The following SPOCK1 variants were observed in gnomAD, a reference collection of about 807,000 sequenced individuals.
The protein encoded by SPOCK1 is SPARC (osteonectin), cwcv and kazal like domains proteoglycan 1.
A neutral mutation model predicts 55.3 loss-of-function variants in SPOCK1; 23 were observed. That is an observed-to-expected ratio of 0.42 (90% CI 0.30 to 0.59). SPOCK1 has a LOEUF of 0.59. SPOCK1 is among the 20% of genes least tolerant of loss of function. SPOCK1 has a pLI of 0.22. For synonymous variants in SPOCK1, 226 were observed against 221.0 expected (o/e 1.02, Z -0.20); for missense variants, 499 against 552.5 (o/e 0.90, Z 0.97).
chr5:137,281,830 C>T (rs1561492385), intron 2 of SPOCK1, among the ~76,000 whole-genome samples: 1 of 152,218 alleles, frequency 6.6e-6, no homozygotes, highest in Non-Finnish European at 1.5e-5. Context: ...ATCACAGCCT[C>T]GGATGTCCGT....
At chr5:137,160,725 A>T (rs1380061894) in intron 3 of SPOCK1, among the ~76,000 whole-genome samples, 1 of 131,628 alleles carries the variant, frequency 7.6e-6, no homozygotes, top group Admixed American at 9.6e-5. Flanking sequence ...AAAACAGTAG[A>T]TGTTGGTGTG....
intron 2 of SPOCK1, among the ~76,000 whole-genome samples, chr5:137,281,579 T>A (rs960695108): frequency 6.6e-6 from 1 of 152,246 alleles, no homozygotes; most frequent in African/African-American, 2.4e-5. Flanking sequence ...ACATAGCCCA[T>A]GGCCCATGCC....
intron 3 of SPOCK1, among the ~76,000 whole-genome samples, chr5:137,246,088 C>T (rs1385587437): frequency 2.0e-5 from 3 of 152,142 alleles, no homozygotes; most frequent in African/African-American, 7.2e-5. Context: ...GATGTCAATC[C>T]CCCTACAAGC....
intron 6 of SPOCK1, among the ~76,000 whole-genome samples, chr5:137,014,870 T>G (rs192069213): frequency 2.6e-5 from 4 of 152,322 alleles, no homozygotes; most frequent in Admixed American, 2.6e-4. Flanking sequence ...CCCATTTATC[T>G]GACAGTTATT....
chr5:137,257,615 C>T (rs961911620), intron 3 of SPOCK1, among the ~76,000 whole-genome samples: 5 of 152,184 alleles, frequency 3.3e-5, no homozygotes, highest in Non-Finnish European at 7.3e-5. Context: ...ACAGAAGCCC[C>T]AAAGGACTAA....
intron 3 of SPOCK1, among the ~76,000 whole-genome samples, chr5:137,199,393 T>C (rs1465194445): frequency 6.6e-6 from 1 of 152,136 alleles, no homozygotes; most frequent in Non-Finnish European, 1.5e-5. Flanking sequence ...TTCTCTTAAG[T>C]TCGGGCTGGT....
intron 2 of SPOCK1, among the ~76,000 whole-genome samples, chr5:137,469,993 A>C (rs570694631): frequency 6.6e-6 from 1 of 152,224 alleles, no homozygotes; most frequent in Non-Finnish European, 1.5e-5. Context: ...AGGACCTAGA[A>C]CACTCTTCAC....
intron 2 of SPOCK1, among the ~76,000 whole-genome samples, chr5:137,308,162 C>A (rs986169471): frequency 6.6e-6 from 1 of 152,202 alleles, no homozygotes; most frequent in African/African-American, 2.4e-5. Flanking sequence ...AACTGGACTT[C>A]AGCCAGTGCA....
chr5:137,466,531 T>C (rs1025716479), intron 2 of SPOCK1, among the ~76,000 whole-genome samples: 2 of 152,198 alleles, frequency 1.3e-5, no homozygotes, highest in African/African-American at 4.8e-5. Context: ...TACCTTCAGA[T>C]TGATGGGTAA....
At chr5:137,298,148 C>A (rs537932409) in intron 2 of SPOCK1, among the ~76,000 whole-genome samples, 1 of 152,268 alleles carries the variant, frequency 6.6e-6, no homozygotes, top group East Asian at 1.9e-4. Context: ...GTACTTTTAA[C>A]AGTGCTATGT....
chr5:137,370,092 A>C (rs1419724008), intron 2 of SPOCK1, among the ~76,000 whole-genome samples: 1 of 152,128 alleles, frequency 6.6e-6, no homozygotes, highest in Non-Finnish European at 1.5e-5. Context: ...GATGGTGCCT[A>C]GGGTGAATGT....
At chr5:137,097,142 G>A (rs1382042603) in intron 5 of SPOCK1, among the ~76,000 whole-genome samples, 1 of 127,180 alleles carries the variant, frequency 7.9e-6, no homozygotes, top group African/African-American at 2.5e-5. Flanking sequence ...TTACACACAG[G>A]GAGGAGCTGG....
At chr5:137,203,711 A>T (rs1203367254) in intron 3 of SPOCK1, among the ~76,000 whole-genome samples, 1 of 152,180 alleles carries the variant, frequency 6.6e-6, no homozygotes, top group Non-Finnish European at 1.5e-5. Context: ...GTATCTCACC[A>T]AGTCATCAAC....
chr5:137,132,624 G>A (rs955281084), intron 4 of SPOCK1, among the ~76,000 whole-genome samples: 1 of 152,068 alleles, frequency 6.6e-6, no homozygotes, highest in African/African-American at 2.4e-5. Flanking sequence ...TCCCAGCTTC[G>A]CAGACGCTTG....
chr5:137,287,178 T>C (rs1757284341), intron 2 of SPOCK1, among the ~76,000 whole-genome samples: 1 of 152,092 alleles, frequency 6.6e-6, no homozygotes, highest in Non-Finnish European at 1.5e-5. Flanking sequence ...GACATACAAG[T>C]CCCCACTTGG....
intron 2 of SPOCK1, among the ~76,000 whole-genome samples, chr5:137,489,179 T>C (rs1159076687): frequency 3.3e-5 from 5 of 152,168 alleles, no homozygotes; most frequent in Non-Finnish European, 7.4e-5. Context: ...GCACATGCTA[T>C]CCACACACTC....
At chr5:137,413,671 G>A (rs1246487046) in intron 2 of SPOCK1, among the ~76,000 whole-genome samples, 2 of 152,128 alleles carry the variant, frequency 1.3e-5, no homozygotes, top group Non-Finnish European at 2.9e-5. Flanking sequence ...CCTTTGGAGG[G>A]AGCAGTACCA....
chr5:137,248,684 A>G (rs911324606), intron 3 of SPOCK1, among the ~76,000 whole-genome samples: 6 of 152,242 alleles, frequency 3.9e-5, no homozygotes, highest in Non-Finnish European at 8.8e-5. Flanking sequence ...GAGATGAGTG[A>G]GAATAGTCCC....
intron 2 of SPOCK1, among the ~76,000 whole-genome samples, chr5:137,449,813 T>C (rs556782076): frequency 7.3e-6 from 1 of 137,090 alleles, no homozygotes; most frequent in African/African-American, 2.7e-5. Flanking sequence ...GAGGATCACT[T>C]GAGCCCAGGC....
Sources: allele counts gnomAD v4.1 joint callset (sites outside exome capture counted in the v4.1 genomes callset), GRCh38; gene constraint gnomAD v4.1.1; transcripts MANE v1.5; gene names NCBI Gene and HGNC (gene_info 2026-07-23, HGNC 2026-07-21).